Variants in SNX29 observed in about 807,000 individuals in gnomAD.
The protein encoded by SNX29 is sorting nexin-29.
SNX29 carries 78 observed loss-of-function variants against 102.1 expected under a neutral mutation model. That is an observed-to-expected ratio of 0.76 (90% CI 0.64 to 0.92). SNX29 has a LOEUF of 0.92. Ranked by LOEUF, SNX29 falls within the 40% of genes least tolerant of loss-of-function variation. The pLI, the probability that SNX29 is intolerant of heterozygous loss-of-function variation, is 0.00. For synonymous variants in SNX29, 580 were observed against 414.5 expected, an observed-to-expected ratio of 1.40 and a Z score of -4.85; for missense variants, 1,280 against 1,061.7, an observed-to-expected ratio of 1.21 and a Z score of -2.86.
chr16:12,013,706 A>C (rs754030669), intron 3 of SNX29, among the ~76,000 whole-genome samples: 1 of 150,210 alleles, frequency 6.7e-6, no homozygotes, highest in Admixed American at 6.8e-5. Context: ...GTGCAGTGGC[A>C]TAATCTTGGC....
intron 15 of SNX29, among the ~76,000 whole-genome samples, chr16:12,344,878 G>C (rs1350206908): frequency 6.6e-6 from 1 of 152,232 alleles, no homozygotes; most frequent in Non-Finnish European, 1.5e-5. Context: ...CTGTGCTTTT[G>C]AAAGGAGAGG....
In SNX29 at chr16:11,976,768, C is replaced by G. The variant is rs952898537; in HGVS notation, c.-39C>G. 1.0e-5 allele frequency: 13 copies of G among 1,302,506 alleles called. No homozygotes were observed. The African/African-American group carries it at 1.9e-4, about 19-fold the overall frequency. The allele number at this position is 1,302,506 out of a possible 1,614,324, so 80.7% of individuals were successfully genotyped here. ...TCGGCAGCCGCAGAAGCGGCAGCGG[C>G]GGCGGCGCGGCGCAGGCACCGGCCC... On this transcript the variant is annotated 5_prime_UTR_variant, in exon 1 of 21. Transcript: ENST00000566228.
intron 15 of SNX29, among the ~76,000 whole-genome samples, chr16:12,320,139 A>G (rs1025211500): frequency 3.9e-5 from 6 of 152,130 alleles, no homozygotes; most frequent in African/African-American, 1.4e-4. Flanking sequence ...GTGCTAAGAC[A>G]TAGTACGCTT....
Position 11,976,843 on chromosome 16 carries a change from C to A in SNX29, c.7+30C>A, listed in dbSNP as rs991581015. ...GTGGCGGCCCCGCCGCTGTCACCTG[C>A]CCCGGCCGCCCCGGCTCCCGCCGCT... On this transcript the variant is annotated intron_variant, in intron 1 of 20. Transcript: ENST00000566228. The A allele has an allele frequency of 2.2e-6, 3 of 1,343,618 alleles. No individual in the cohort carries two copies. In the South Asian group the frequency reaches 5.5e-5, roughly 25 times the overall value. The allele number at this position is 1,343,618 out of a possible 1,614,324, so 83.2% of individuals were successfully genotyped here. A position where few individuals can be genotyped will look rare whatever the true frequency, so the allele number is the denominator to read the frequency against.
At chr16:12,164,460 C>G (rs1042811100) in intron 13 of SNX29, among the ~76,000 whole-genome samples, 5 of 152,146 alleles carry the variant, frequency 3.3e-5, no homozygotes, top group African/African-American at 1.2e-4. Flanking sequence ...TCAACTGCTA[C>G]ATTTTTGCCC....
intron 18 of SNX29, among the ~76,000 whole-genome samples, chr16:12,437,065 A>G (rs2085571085): frequency 6.6e-6 from 1 of 152,236 alleles, no homozygotes; most frequent in East Asian, 1.9e-4. Flanking sequence ...ATTCTGAAAG[A>G]CAGTTTGTGT....
In SNX29 at chr16:12,356,264, C is replaced by A. The variant is rs376970358; in HGVS notation, c.1884C>A (p.Ile628=). The A allele has an allele frequency of 5.0e-6, 8 of 1,608,124 alleles. No homozygotes were observed. The highest frequency in any genetic ancestry group is 6.8e-6 in the Non-Finnish European group (8 of 1,177,652). Residue 628 remains isoleucine, a synonymous_variant, in exon 16 of 21, where the codon ATC becomes ATA. Transcript: ENST00000566228. The stretch of plus-strand genomic sequence containing the variant: ...TGTCCCAGATGAGGCAGGAGCTCAT[C>A]GATCTCCGGGGACCGGTGAGTGTTT... ...ALVSQMRQEL[I]DLRGPVPGDL...
intron 19 of SNX29, among the ~76,000 whole-genome samples, chr16:12,523,892 T>TG (rs550991270): frequency 1.3e-5 from 2 of 151,954 alleles, no homozygotes; most frequent in African/African-American, 4.8e-5. Context: ...TAGGTTTTTT[T>TG]TGTGTGTGTG....
chr16:12,437,735 C>T (rs2085601685), intron 18 of SNX29, among the ~76,000 whole-genome samples: 1 of 152,158 alleles, frequency 6.6e-6, no homozygotes, highest in Non-Finnish European at 1.5e-5. Flanking sequence ...CCACCATCTT[C>T]CCCTTGTTGC....
intron 1 of SNX29, among the ~76,000 whole-genome samples, chr16:11,986,368 A>G (rs925751494): frequency 2.1e-5 from 2 of 97,426 alleles, no homozygotes; most frequent in African/African-American, 6.8e-5. Flanking sequence ...CTTTCCTCCT[A>G]CAACTTAAAA....
chr16:12,179,558 C>G (rs2076336805), intron 13 of SNX29, among the ~76,000 whole-genome samples: 1 of 152,224 alleles, frequency 6.6e-6, no homozygotes, highest in Admixed American at 6.5e-5. Context: ...ATCTACTTTA[C>G]CTGAGCCTAT....
intron 10 of SNX29, 40 bp from the exon 11 acceptor site, chr16:12,078,793 A>G (rs988549733): frequency 1.3e-6 from 2 of 1,542,796 alleles, no homozygotes; most frequent in Non-Finnish European, 1.8e-6. Context: ...GTGTACTTTC[A>G]GTGGCCGAGT....
chr16:12,477,765 A>AT lies in SNX29; in HGVS notation c.2085dup (p.Thr696TyrfsTer117). On this transcript the variant is annotated frameshift_variant, in exon 19 of 21. Transcript: ENST00000566228. LOFTEE classifies it high-confidence loss of function. Reference sequence around the variant, plus strand: ...GATGAATGGAATATTTATCGCCGGTATACAGAGTTCAGGAGTTTGCACCAC... The same window carrying AT: ...GATGAATGGAATATTTATCGCCGGTATTACAGAGTTCAGGAGTTTGCACCAC... The AT allele has an allele frequency of 6.2e-7, 1 of 1,613,470 alleles. No homozygotes were observed. The highest frequency in any genetic ancestry group is 8.5e-7 in the Non-Finnish European group (1 of 1,179,738).
chr16:12,075,771 G>A (rs1488201447), intron 10 of SNX29, among the ~76,000 whole-genome samples: 3 of 152,198 alleles, frequency 2.0e-5, no homozygotes, highest in Non-Finnish European at 1.5e-5. Flanking sequence ...CCCCAGAGGT[G>A]GAGCCTACAG....
chr16:12,568,434 C>CT, intron 20 of SNX29, 72 bp from the exon 21 acceptor site: 2 of 1,581,654 alleles, frequency 1.3e-6, no homozygotes, highest in Non-Finnish European at 1.7e-6. Context: ...TCACACCTGG[C>CT]TCCCCTTCCT....
In SNX29 at chr16:12,193,119, G is replaced by C. The variant is rs543357045; in HGVS notation, c.1596-6482G>C. On this transcript the variant is annotated intron_variant, in intron 13 of 20. Transcript: ENST00000566228. ...CTAAGTGCTGCAATTACAGGAATGT[G>C]CCACTGCGCCCAAAACATTTATCAT... Among the ~76,000 whole-genome samples the C allele has an allele frequency of 2.6e-5, 4 of 152,308 alleles. No individual in the cohort carries two copies. In the South Asian group the frequency reaches 8.3e-4, roughly 32 times the overall value.
At chr16:12,279,524 G>T (rs536704924) in intron 15 of SNX29, among the ~76,000 whole-genome samples, 2 of 152,308 alleles carry the variant, frequency 1.3e-5, no homozygotes, top group South Asian at 4.1e-4. Context: ...CCTTCCTTGG[G>T]AGCTCCCTCA....
At chr16:11,987,282 G>A (rs1485572329) in intron 1 of SNX29, among the ~76,000 whole-genome samples, 1 of 151,672 alleles carries the variant, frequency 6.6e-6, no homozygotes, top group Non-Finnish European at 1.5e-5. Context: ...GTTGCCTAGG[G>A]TGGTCTTGAA....
At chr16:12,566,236 TGACA>T (rs2079000602) in intron 20 of SNX29, among the ~76,000 whole-genome samples, 1 of 152,140 alleles carries the variant, frequency 6.6e-6, no homozygotes, top group Non-Finnish European at 1.5e-5. Context: ...CATCCCCAAA[TGACA>T]GACAAGGAAA....
Sources: gnomAD v4.1 joint callset for allele counts (sites outside exome capture counted in the v4.1 genomes callset) on GRCh38, gnomAD v4.1.1 for gene constraint, MANE v1.5 for transcripts, NCBI Gene and HGNC (gene_info 2026-07-23, HGNC 2026-07-21) for gene names.